The following ANGPTL2 variants were observed in gnomAD, a reference collection of about 807,000 sequenced individuals.
ANGPTL2 encodes angiopoietin-related protein 2.
Under a neutral mutation model 52.8 loss-of-function variants are expected in ANGPTL2, and 25 were observed. The ratio of observed to expected loss-of-function variants is 0.47; its 90% confidence interval spans 0.35 to 0.66. ANGPTL2 has a LOEUF of 0.66. ANGPTL2 is among the 30% of genes least tolerant of loss of function. ANGPTL2 has a pLI of 0.01. For missense variants in ANGPTL2, 546 were observed against 656.9 expected (o/e 0.83, Z 1.84); for synonymous variants, 276 against 277.4 (o/e 1.00, Z 0.05).
At chr9:127,092,298 A>G (rs2136440577) in intron 3 of ANGPTL2, among the ~76,000 whole-genome samples, 1 of 152,198 alleles carries the variant, frequency 6.6e-6, no homozygotes, top group Non-Finnish European at 1.5e-5. Flanking sequence ...CAAATCTCTG[A>G]CCTTCACTGA....
Position 127,093,726 on chromosome 9 carries a change from G to A in ANGPTL2, c.1011+7C>T. On this transcript the variant is annotated splice_region_variant and intron_variant, in intron 3 of 4. Transcript: ENST00000373425. The stretch of plus-strand genomic sequence containing the variant: ...GGGCAGCACAGACATCCCCTGCCGA[G>A]TCTCACCTTGTACGTCTCCCAGTTC... 1 of 1,613,792 alleles carries A rather than the reference G, an allele frequency of 6.2e-7. No individual in the cohort carries two copies. Among genetic ancestry groups the A allele is most frequent in the South Asian group, 1.1e-5 (1 of 91,048 alleles).
chr9:127,110,950 T>G (rs1275366434), intron 1 of ANGPTL2, among the ~76,000 whole-genome samples: 1 of 151,850 alleles, frequency 6.6e-6, no homozygotes, highest in Non-Finnish European at 1.5e-5. Context: ...ACAGCCAGAG[T>G]GGTCCTTTTT....
intron 2 of ANGPTL2, among the ~76,000 whole-genome samples, chr9:127,104,969 A>G (rs1023296127): frequency 1.3e-5 from 2 of 152,154 alleles, no homozygotes; most frequent in African/African-American, 4.8e-5. Flanking sequence ...TTCTCTGCTC[A>G]TTGGATGCCC....
chr9:127,089,854 G>A (rs2052248526), intron 4 of ANGPTL2, among the ~76,000 whole-genome samples: 1 of 152,212 alleles, frequency 6.6e-6, no homozygotes, highest in South Asian at 2.1e-4. Flanking sequence ...AGGACAGGGG[G>A]CCACTATCTG....
chr9:127,088,121 G>C lies in ANGPTL2; in HGVS notation c.*818C>G, dbSNP rs1022077332. 1.8e-4 allele frequency: 27 copies of C among 152,496 alleles called. No homozygotes were observed. Among genetic ancestry groups the C allele is most frequent in the African/African-American group, 6.3e-4 (26 of 41,414 alleles). 9.4% of individuals were successfully genotyped at this position (152,496 alleles called of 1,614,324 possible). ...GCGAGGAGTACAGCAGAGCGGAAAGGGGGCCTTGAACTGCAGTGAGTGGCC... is the reference window on the plus strand; with the variant it reads ...GCGAGGAGTACAGCAGAGCGGAAAGCGGGCCTTGAACTGCAGTGAGTGGCC... On this transcript the variant is annotated 3_prime_UTR_variant, in exon 5 of 5. Coordinates refer to ENST00000373425, the MANE Select transcript of ANGPTL2 (RefSeq NM_012098.3).
At position 127,091,908 on chromosome 9, in the gene ANGPTL2, C is replaced by T; in HGVS notation, c.1044G>A (p.Trp348Ter). ...QGFGNIDGEYWLGLENIYWLT... is the reference protein window; with the variant it reads ...QGFGNIDGEY ...GCCAGTAAATGTTCTCCAGGCCCAG[C>T]CAGTATTCGCCGTCAATGTTCCCAA... The change falls in exon 4 of 5, where the codon TGG (tryptophan) becomes TGA (stop). Residue 348 changes from tryptophan (W) to a stop codon, truncating the protein, a stop_gained. Transcript: ENST00000373425. LOFTEE classifies it high-confidence loss of function. The surrounding 1 kb of genome is among the most constrained non-coding windows in gnomAD (Gnocchi z 4.3). 1.9e-6 allele frequency: 3 copies of T among 1,614,120 alleles called. No individual in the cohort carries two copies. The highest frequency in any genetic ancestry group is 1.7e-6 in the Non-Finnish European group (2 of 1,180,028).
intron 4 of ANGPTL2, among the ~76,000 whole-genome samples, chr9:127,090,033 G>A (rs2052277834): frequency 2.0e-5 from 3 of 152,232 alleles, no homozygotes; most frequent in Admixed American, 2.0e-4. Flanking sequence ...CTCAGTCTGA[G>A]GCAGAAAGCA....
rs960329470 is a variant in ANGPTL2, at chr9:127,088,195, A to G, written c.*744T>C. 2 of 152,292 alleles carry G rather than the reference A, an allele frequency of 1.3e-5. No homozygotes were observed. The highest frequency in any genetic ancestry group is 4.8e-5 in the African/African-American group (2 of 41,462). The allele number at this position is 152,292 out of a possible 1,614,324, so 9.4% of individuals were successfully genotyped here. A position where few individuals can be genotyped will look rare whatever the true frequency, so the allele number is the denominator to read the frequency against. On this transcript the variant is annotated 3_prime_UTR_variant, in exon 5 of 5. Coordinates refer to ENST00000373425, the MANE Select transcript of ANGPTL2 (RefSeq NM_012098.3). Reference sequence around the variant, plus strand: ...TTAATGAATGGTGTCAAATGAAGGGATAAGTGGGTGATGGATGGTGAAAAG... The same window carrying G: ...TTAATGAATGGTGTCAAATGAAGGGGTAAGTGGGTGATGGATGGTGAAAAG...
intron 3 of ANGPTL2, 118 bp from the exon 4 acceptor site, chr9:127,092,058 C>T (rs1378840367): frequency 7.7e-7 from 1 of 1,304,394 alleles, no homozygotes; most frequent in Non-Finnish European, 1.1e-6. Context: ...GAGCATGAAG[C>T]AGACCTGGTT....
intron 1 of ANGPTL2, among the ~76,000 whole-genome samples, chr9:127,119,912 T>C: frequency 1.3e-5 from 2 of 152,238 alleles, no homozygotes; most frequent in Non-Finnish European, 2.9e-5. Context: ...CAGGGAAACC[T>C]GTGGCTTCAG....
chr9:127,110,615 C>T (rs2054705126), intron 1 of ANGPTL2, among the ~76,000 whole-genome samples: 1 of 152,186 alleles, frequency 6.6e-6, no homozygotes, highest in South Asian at 2.1e-4. Flanking sequence ...GGTATCTCAA[C>T]TCATCCAGAA....
chr9:127,120,023 A>G (rs2055881953), intron 1 of ANGPTL2, among the ~76,000 whole-genome samples: 1 of 152,248 alleles, frequency 6.6e-6, no homozygotes, highest in Non-Finnish European at 1.5e-5. Flanking sequence ...AGGGGGCCAC[A>G]GCACAGAAGC....
In ANGPTL2 at chr9:127,088,634, A is replaced by G. The variant is rs2052059346; in HGVS notation, c.*305T>C. The stretch of plus-strand genomic sequence containing the variant: ...GAGGCTCATACACATGTATATTATG[A>G]AGGTACTTTGCAGTTGTGTTTTTAT... On this transcript the variant is annotated 3_prime_UTR_variant, in exon 5 of 5. Transcript: ENST00000373425. 1.2e-5 allele frequency: 5 copies of G among 431,878 alleles called. No homozygotes were observed. Among genetic ancestry groups the G allele is most frequent in the Non-Finnish European group, 2.1e-5 (5 of 236,320 alleles). 26.8% of individuals were successfully genotyped at this position (431,878 alleles called of 1,614,324 possible). A position where few individuals can be genotyped will look rare whatever the true frequency, so the allele number is the denominator to read the frequency against.
At chr9:127,103,878 G>C (rs1438962469) in intron 2 of ANGPTL2, among the ~76,000 whole-genome samples, 1 of 152,146 alleles carries the variant, frequency 6.6e-6, no homozygotes, top group African/African-American at 2.4e-5. Context: ...TTCCCCTCCA[G>C]CCTTCCCGTG....
At chr9:127,108,863 C>G in intron 1 of ANGPTL2, 83 bp from the exon 2 acceptor site, 2 of 1,028,252 alleles carry the variant, frequency 1.9e-6, no homozygotes, top group Non-Finnish European at 2.7e-6. Flanking sequence ...GCCTTCTCGC[C>G]AGGCAGGCAG....
rs1208053968 is a variant in ANGPTL2 at position 127,093,717 on chromosome 9, C to T, written c.1011+16G>A. 1.2e-6 allele frequency: 2 copies of T among 1,613,162 alleles called. No individual in the cohort carries two copies. The highest frequency in any genetic ancestry group is 1.7e-6 in the Non-Finnish European group (2 of 1,179,392). ...TCACCTTGTGGGCAGCACAGACATC[C>T]CCTGCCGAGTCTCACCTTGTACGTC... On this transcript the variant is annotated intron_variant, in intron 3 of 4. Coordinates refer to ENST00000373425, the MANE Select transcript of ANGPTL2 (RefSeq NM_012098.3).
At chr9:127,095,540 G>A (rs1407013075) in intron 2 of ANGPTL2, among the ~76,000 whole-genome samples, 1 of 152,334 alleles carries the variant, frequency 6.6e-6, no homozygotes, top group South Asian at 2.1e-4. Context: ...CTGCAGATGC[G>A]GTGCTGGGCA....
chr9:127,113,713 C>T (rs2137338659), intron 1 of ANGPTL2, among the ~76,000 whole-genome samples: 1 of 152,360 alleles, frequency 6.6e-6, no homozygotes, highest in South Asian at 2.1e-4. Context: ...GGTTTTCCCT[C>T]CCCACAAGTG....
intron 1 of ANGPTL2, 38 bp from the exon 2 acceptor site, chr9:127,108,818 A>C: frequency 1.5e-6 from 2 of 1,377,204 alleles, no homozygotes; most frequent in Non-Finnish European, 9.8e-7. Context: ...TGATGGTCCC[A>C]CCACTGTCAG....
Sources: gnomAD v4.1 joint callset for allele counts (sites outside exome capture counted in the v4.1 genomes callset) on GRCh38, gnomAD v4.1.1 for gene constraint, Gnocchi (gnomAD v3.1) non-coding constraint, MANE v1.5 for transcripts, NCBI Gene and HGNC (gene_info 2026-07-23, HGNC 2026-07-21) for gene names.